The following ENPP2 variants were observed in gnomAD, a reference collection of about 807,000 sequenced individuals.
The protein encoded by ENPP2 is autotaxin.
In ENPP2, 51 loss-of-function variants were observed where a neutral mutation model predicts 120.2. The observed-to-expected ratio is 0.42, with a 90% confidence interval of 0.34 to 0.54. ENPP2 has a LOEUF of 0.54. Ranked by LOEUF, ENPP2 falls within the 20% of genes least tolerant of loss-of-function variation. The pLI, the probability that ENPP2 is intolerant of heterozygous loss-of-function variation, is 0.04. For missense variants in ENPP2, 920 were observed against 1,066.5 expected (o/e 0.86, Z 1.91); for synonymous variants, 365 against 366.4 (o/e 1.00, Z 0.04).
rs373067900 is a variant in ENPP2, at chr8:119,562,934, C to T, written c.2344G>A (p.Ala782Thr). Residue 782 changes from alanine (A) to threonine (T), a missense_variant, in exon 24 of 25, where the codon GCC becomes ACC. Ala to Thr is a moderately conservative substitution (Grantham distance 58). Coordinates refer to ENST00000075322, the MANE Select transcript of ENPP2 (RefSeq NM_001040092.3). ...GAGAGAGGGCCGTCACACTTGTCGG[C>T]AGGCTGAGTGAAATCCAGACAGCTG... ...ITSCLDFTQPADKCDGPLSVS... is the reference protein window; with the variant it reads ...ITSCLDFTQPTDKCDGPLSVS... 1 of 1,614,102 alleles carries T rather than the reference C, an allele frequency of 6.2e-7. No homozygotes were observed. The highest frequency in any genetic ancestry group is 1.1e-5 in the South Asian group (1 of 91,072).
At chr8:119,583,385 G>C (rs1812883432) in intron 17 of ENPP2, among the ~76,000 whole-genome samples, 1 of 152,212 alleles carries the variant, frequency 6.6e-6, no homozygotes, top group South Asian at 2.1e-4. Flanking sequence ...TGCAATGCAA[G>C]AGATGGAGGT....
At chr8:119,563,635 C>T (rs1814153487) in intron 23 of ENPP2, among the ~76,000 whole-genome samples, 1 of 152,140 alleles carries the variant, frequency 6.6e-6, no homozygotes, top group African/African-American at 2.4e-5. Flanking sequence ...AAATATTTTC[C>T]TGTAGAGATC....
rs929058106 is a variant in ENPP2, at chr8:119,647,704, A to G, written c.22-9177T>C. ...GGAAAAAAGCAATGTGCTATAGAGAATAAGGGTTTGGATTCTGTGGCCGGG... is the reference window on the plus strand; with the variant it reads ...GGAAAAAAGCAATGTGCTATAGAGAGTAAGGGTTTGGATTCTGTGGCCGGG... On this transcript the variant is annotated intron_variant, in intron 1 of 25. Transcript: ENST00000427067. Among the ~76,000 whole-genome samples the G allele has an allele frequency of 2.0e-5, 3 of 152,136 alleles. No individual in the cohort carries two copies. The East Asian group carries it at 5.8e-4, about 29-fold the overall frequency.
intron 2 of ENPP2, among the ~76,000 whole-genome samples, chr8:119,632,467 T>C (rs1816745191): frequency 6.6e-6 from 1 of 152,226 alleles, no homozygotes; most frequent in African/African-American, 2.4e-5. Context: ...ACTTCAAAGA[T>C]GCAAGTCAGT....
intron 13 of ENPP2, 102 bp from the exon 14 acceptor site, chr8:119,587,177 A>G: frequency 1.1e-6 from 1 of 912,102 alleles, no homozygotes; most frequent in Non-Finnish European, 1.8e-6. Context: ...TCCATCCCAC[A>G]GAAGACTATC....
chr8:119,650,409 C>CAATTTT (rs1200818369), intron 1 of ENPP2, among the ~76,000 whole-genome samples: 2 of 152,024 alleles, frequency 1.3e-5, no homozygotes, highest in Non-Finnish European at 2.9e-5. Flanking sequence ...GTGATGTTTG[C>CAATTTT]ACGTCTCTGT....
chr8:119,608,827 T>C (rs1352567161), intron 8 of ENPP2, among the ~76,000 whole-genome samples: 1 of 152,234 alleles, frequency 6.6e-6, no homozygotes, highest in Non-Finnish European at 1.5e-5. Flanking sequence ...CTTAAACCAG[T>C]GTCTTAACAT....
chr8:119,610,489 A>AG (rs1384391680), intron 8 of ENPP2, among the ~76,000 whole-genome samples: 2 of 140,374 alleles, frequency 1.4e-5, no homozygotes, highest in African/African-American at 5.6e-5. Flanking sequence ...TAAGGTTATA[A>AG]AAGAGAGAGA....
chr8:119,561,327 C>T (rs563564864), intron 24 of ENPP2, among the ~76,000 whole-genome samples: 15 of 152,286 alleles, frequency 9.8e-5, no homozygotes, highest in Admixed American at 2.0e-4. Context: ...TGTTGACCCA[C>T]TCTGTGGGCT....
intron 1 of ENPP2, among the ~76,000 whole-genome samples, chr8:119,649,116 G>T (rs112946031): frequency 1.2e-3 from 184 of 152,072 alleles, no homozygotes; most frequent in South Asian, 2.3e-3. Context: ...ATTTATGGCC[G>T]GGCACGGTGG....
upstream of ENPP2, among the ~76,000 whole-genome samples, chr8:119,640,723 ATTTC>A (rs1211532091): frequency 2.0e-5 from 3 of 151,932 alleles, no homozygotes; most frequent in African/African-American, 7.2e-5. Context: ...CTCAGCCACT[ATTTC>A]TTTGTTTTTT....
intron 11 of ENPP2, among the ~76,000 whole-genome samples, chr8:119,596,729 A>T (rs77957713): frequency 0.025 from 3,786 of 152,260 alleles, 162 homozygotes; most frequent in African/African-American, 0.085. Flanking sequence ...GTCATCAAAA[A>T]GTCATCTCTT....
intron 4 of ENPP2, among the ~76,000 whole-genome samples, chr8:119,619,552 T>C (rs1333676580): frequency 6.6e-6 from 1 of 152,128 alleles, no homozygotes; most frequent in Non-Finnish European, 1.5e-5. Flanking sequence ...CGAGTCTAAA[T>C]GGTTTGTAGA....
At chr8:119,636,234 CGA>C (rs927062364) in intron 2 of ENPP2, among the ~76,000 whole-genome samples, 1 of 152,152 alleles carries the variant, frequency 6.6e-6, no homozygotes, top group Non-Finnish European at 1.5e-5. Flanking sequence ...ATGTGTCAAT[CGA>C]GAGAGATCCT....
At chr8:119,601,272 C>A in intron 10 of ENPP2, 125 bp downstream of exon 10, 1 of 682,520 alleles carries the variant, frequency 1.5e-6, no homozygotes, top group Non-Finnish European at 2.5e-6. Context: ...ACACTTAAGG[C>A]TAAGAACCAC....
At chr8:119,626,814 G>C in intron 2 of ENPP2, 94 bp from the exon 3 acceptor site, 8 of 1,166,012 alleles carry the variant, frequency 6.9e-6, no homozygotes. Flanking sequence ...TGATGCTGCA[G>C]TGGACTCTGG....
chr8:119,563,930 C>A (rs1238892382), intron 23 of ENPP2, among the ~76,000 whole-genome samples: 1 of 150,982 alleles, frequency 6.6e-6, no homozygotes, highest in Admixed American at 6.6e-5. Flanking sequence ...TTGTTTCATG[C>A]TTGTATAAAA....
At chr8:119,579,564 A>AT (rs34042284) in intron 19 of ENPP2, among the ~76,000 whole-genome samples, 64,342 of 148,404 alleles carry the variant, frequency 0.43, 13,838 homozygotes, top group South Asian at 0.58. Context: ...CAAATCACTA[A>AT]TTTTTTTTTT....
chr8:119,671,041 T>A (rs1818227385), intron 1 of ENPP2, among the ~76,000 whole-genome samples: 1 of 151,556 alleles, frequency 6.6e-6, no homozygotes, highest in African/African-American at 2.4e-5. Flanking sequence ...AATCCTAGCA[T>A]TTTGGGAGGC....
Sources: gnomAD v4.1 joint callset for allele counts (sites outside exome capture counted in the v4.1 genomes callset) on GRCh38, gnomAD v4.1.1 for gene constraint, MANE v1.5 for transcripts, NCBI Gene and HGNC (gene_info 2026-07-23, HGNC 2026-07-21) for gene names.